SERPINE2: variants seen among roughly 807,000 people sequenced by gnomAD.
The protein encoded by SERPINE2 is glia-derived nexin.
Under a neutral mutation model 36.3 loss-of-function variants are expected in SERPINE2, and 14 were observed. The observed-to-expected ratio is 0.39, with a 90% CI of 0.25 to 0.60. The LOEUF is 0.60. Among genes scored for constraint, SERPINE2 ranks in the 20% least tolerant of loss-of-function variants. The probability of loss-of-function intolerance (pLI) is 0.57; values close to 1 mark genes in which losing one functional copy is unlikely to be tolerated. For missense variants in SERPINE2, 418 were observed against 499.6 expected (o/e 0.84, Z 1.56); for synonymous variants, 192 against 191.8 (o/e 1.00, Z -0.01).
intron 3 of SERPINE2, among the ~76,000 whole-genome samples, chr2:223,992,571 C>T (rs1220505006): frequency 1.3e-5 from 2 of 152,114 alleles, no homozygotes; most frequent in South Asian, 4.1e-4. Context: ...CACAAGGCCT[C>T]CTAACTGCTT....
chr2:224,004,608 T>A (rs1223807260), intron 1 of SERPINE2, among the ~76,000 whole-genome samples: 5 of 152,174 alleles, frequency 3.3e-5, no homozygotes, highest in Admixed American at 6.6e-5. Context: ...GGAAGCTTTA[T>A]TCATTCCATC....
chr2:223,996,070 G>A (rs779804301), intron 3 of SERPINE2, among the ~76,000 whole-genome samples: 2 of 152,274 alleles, frequency 1.3e-5, no homozygotes, highest in East Asian at 3.9e-4. Context: ...ACAAACGGAG[G>A]AGCTGGGGCT....
intron 7 of SERPINE2, chr2:223,979,431 T>G (rs1468570883): frequency 6.6e-6 from 1 of 152,224 alleles, no homozygotes; most frequent in East Asian, 1.9e-4. Context: ...TTTAAAACGT[T>G]TATTCGAGAA....
At chr2:223,997,708 G>C (rs937459777) in intron 3 of SERPINE2, among the ~76,000 whole-genome samples, 1 of 152,168 alleles carries the variant, frequency 6.6e-6, no homozygotes, top group African/African-American at 2.4e-5. Context: ...AGAAGCAAGA[G>C]GCATGGAAGG....
At chr2:224,036,541 G>A (rs1343156042) in intron 1 of SERPINE2, among the ~76,000 whole-genome samples, 5 of 151,548 alleles carry the variant, frequency 3.3e-5, no homozygotes, top group Admixed American at 3.3e-4. Context: ...AATGTGATGG[G>A]TTGATGGGTG....
At chr2:224,034,983 G>C (rs6746836) in intron 1 of SERPINE2, among the ~76,000 whole-genome samples, 1 of 152,170 alleles carries the variant, frequency 6.6e-6, no homozygotes, top group Non-Finnish European at 1.5e-5. Context: ...CCAAACTTGT[G>C]ATATGACATG....
chr2:223,987,559 C>T (rs976360686), intron 4 of SERPINE2, among the ~76,000 whole-genome samples: 23 of 152,014 alleles, frequency 1.5e-4, no homozygotes, highest in Admixed American at 3.9e-4. Flanking sequence ...TGTATAAAAA[C>T]GTAAGTATAA....
intron 1 of SERPINE2, among the ~76,000 whole-genome samples, chr2:224,003,200 G>T (rs1211802799): frequency 6.6e-6 from 1 of 152,068 alleles, no homozygotes; most frequent in Non-Finnish European, 1.5e-5. Flanking sequence ...CCTGACGTGG[G>T]AATAAACTTG....
intron 1 of SERPINE2, among the ~76,000 whole-genome samples, chr2:224,006,819 G>T (rs1354405949): frequency 6.6e-6 from 1 of 152,176 alleles, no homozygotes; most frequent in African/African-American, 2.4e-5. Flanking sequence ...AAGAGTGGAC[G>T]TTCTAGTACT....
intron 1 of SERPINE2, among the ~76,000 whole-genome samples, chr2:224,027,824 C>A (rs116104631): frequency 0.033 from 5,064 of 152,266 alleles, 230 homozygotes; most frequent in African/African-American, 0.1. Context: ...CTAAGCACCT[C>A]TTACAGAGTA....
intron 1 of SERPINE2, among the ~76,000 whole-genome samples, chr2:224,032,412 G>A (rs1282399061): frequency 6.6e-6 from 1 of 152,162 alleles, no homozygotes; most frequent in African/African-American, 2.4e-5. Flanking sequence ...CGAAAGTTGG[G>A]GTAGGGGTAA....
chr2:223,980,206 C>G, intron 7 of SERPINE2, 105 bp downstream of exon 7: 2 of 935,870 alleles, frequency 2.1e-6, no homozygotes, highest in South Asian at 1.4e-5. Flanking sequence ...CACACACTGC[C>G]TGGCTGGAAA....
chr2:223,998,073 T>C (rs1690963098), intron 3 of SERPINE2, 42 bp downstream of exon 3: 2 of 1,517,072 alleles, frequency 1.3e-6, no homozygotes, highest in Non-Finnish European at 9.2e-7. Flanking sequence ...TCATGCTTCA[T>C]TCACAAACTA....
chr2:223,985,441 G>C (rs1322652203), intron 4 of SERPINE2, among the ~76,000 whole-genome samples: 3 of 151,860 alleles, frequency 2.0e-5, no homozygotes, highest in Non-Finnish European at 2.9e-5. Context: ...TACCCATTTT[G>C]CTGTTTTTGG....
intron 4 of SERPINE2, among the ~76,000 whole-genome samples, chr2:223,990,281 T>C (rs948730255): frequency 6.6e-6 from 1 of 152,202 alleles, no homozygotes; most frequent in Non-Finnish European, 1.5e-5. Context: ...GGGGGTTCTG[T>C]AGGGTTTAAA....
chr2:223,978,603 T>C (rs2106130019), intron 7 of SERPINE2: 1 of 152,362 alleles, frequency 6.6e-6, no homozygotes, highest in African/African-American at 2.4e-5. Context: ...AACCAGGGCC[T>C]CACGGGAGGG....
intron 8 of SERPINE2, 22 bp downstream of exon 8, chr2:223,977,522 A>T (rs750250482): frequency 6.8e-7 from 1 of 1,479,678 alleles, no homozygotes; most frequent in Non-Finnish European, 9.5e-7. Context: ...AGAGGGCATG[A>T]TGGAAGAGGA....
At chr2:224,024,047 T>C (rs552799913) in intron 1 of SERPINE2, among the ~76,000 whole-genome samples, 2 of 152,288 alleles carry the variant, frequency 1.3e-5, no homozygotes, top group African/African-American at 4.8e-5. Flanking sequence ...GGAAAAATGA[T>C]ATGAGCCATT....
chr2:224,031,763 C>A (rs967074711), intron 1 of SERPINE2, among the ~76,000 whole-genome samples: 15 of 148,996 alleles, frequency 1.0e-4, no homozygotes, highest in East Asian at 8.1e-4. Flanking sequence ...CCCCCCACCC[C>A]CCCCGCCGGC....
Sources: allele counts gnomAD v4.1 joint callset (sites outside exome capture counted in the v4.1 genomes callset), GRCh38; gene constraint gnomAD v4.1.1; transcripts MANE v1.5; gene names NCBI Gene and HGNC (gene_info 2026-07-23, HGNC 2026-07-21).